DEF8: variants seen among roughly 807,000 people sequenced by gnomAD.
DEF8 encodes differentially expressed in FDCP 8 homolog.
In DEF8, 38 loss-of-function variants were observed where a neutral mutation model predicts 59.1. The ratio of observed to expected loss-of-function variants is 0.64; its 90% CI spans 0.50 to 0.84. The LOEUF is 0.84. Among genes scored for constraint, DEF8 ranks in the 40% least tolerant of loss-of-function variants. The pLI is 0.00. For missense variants in DEF8, 557 were observed against 615.2 expected (o/e 0.91, Z 1.00); for synonymous variants, 265 against 250.1 (o/e 1.06, Z -0.56).
rs114002471 is a variant in DEF8 at position 89,955,355 on chromosome 16, G to T, written c.222+89G>T. 1.4e-3 allele frequency: 1,534 copies of T among 1,112,498 alleles called. 15 individuals carry two copies. The African/African-American group carries it at 0.022, about 16-fold the overall frequency. The allele number at this position is 1,112,498 out of a possible 1,614,324, so 68.9% of individuals were successfully genotyped here. A position where few individuals can be genotyped will look rare whatever the true frequency, so the allele number is the denominator to read the frequency against. ...GTTTCCTTGTCACTCCCTCCCAGGT[G>T]GCAGGGCAGTGTCCTGTGAGCTGGG... On this transcript the variant is annotated intron_variant, in intron 4 of 12. Coordinates refer to ENST00000563594, the MANE Select transcript of DEF8 (RefSeq NM_001242818.2).
At position 89,951,898 on chromosome 16, in the gene DEF8, T is replaced by G. The variant is rs1216342535; in HGVS notation, c.-10-2345T>G. Among the ~76,000 whole-genome samples the G allele has an allele frequency of 2.0e-5, 3 of 151,286 alleles. No homozygotes were observed. In the East Asian group the frequency reaches 5.8e-4, roughly 29 times the overall value. ...TAAAAAAGATTTTTTTTTTTTTTGA[T>G]ATGGAGTCTCGCTCTGTTGCCCAGG... On this transcript the variant is annotated intron_variant, in intron 2 of 12. Transcript: ENST00000563594.
chr16:89,957,683 G>C (rs544074238), intron 5 of DEF8, 23 bp downstream of exon 5: 19 of 1,530,298 alleles, frequency 1.2e-5, no homozygotes, highest in Non-Finnish European at 1.6e-5. Flanking sequence ...CCGCCCCGCC[G>C]TGGGGCAGCC....
intron 2 of DEF8, among the ~76,000 whole-genome samples, chr16:89,952,913 C>T (rs1231021518): frequency 1.3e-5 from 2 of 152,222 alleles, no homozygotes; most frequent in African/African-American, 2.4e-5. Flanking sequence ...TTGGGGTGGC[C>T]TCCTTATCCC....
At chr16:89,951,547 T>C (rs1224230278) in intron 2 of DEF8, among the ~76,000 whole-genome samples, 1 of 152,142 alleles carries the variant, frequency 6.6e-6, no homozygotes, top group Admixed American at 6.6e-5. Flanking sequence ...GCTGGGTCTT[T>C]CAGTCAGAAT....
Position 89,955,271 on chromosome 16 carries a change from G to C in DEF8, c.222+5G>C. ...GACCACTTCTCCCGCCCTGTGGTAA[G>C]GTTTTAGATCTCGGAGGGGAGAGGG... is the stretch of plus-strand genomic sequence containing the variant. On this transcript the variant is annotated splice_donor_5th_base_variant and intron_variant, in intron 4 of 12. Coordinates refer to ENST00000563594, the MANE Select transcript of DEF8 (RefSeq NM_001242818.2). 1 of 1,613,094 alleles carries C rather than the reference G, an allele frequency of 6.2e-7. No individual in the cohort carries two copies.
chr16:89,949,963 C>G (rs1358810564), intron 2 of DEF8: 3 of 932,308 alleles, frequency 3.2e-6, no homozygotes, highest in Non-Finnish European at 4.0e-6. Context: ...GCTAAGGCTG[C>G]GAGGCCAGCG....
intron 4 of DEF8, 70 bp from the exon 5 acceptor site, chr16:89,957,441 G>A (rs570012864): frequency 1.0e-5 from 15 of 1,493,210 alleles, no homozygotes; most frequent in Admixed American, 2.2e-5. Context: ...GGCCTGTCTC[G>A]GCGGATGGGC....
chr16:89,964,457 T>TC lies in DEF8; in HGVS notation c.1144-3dup, dbSNP rs1484754663. 6.3e-7 allele frequency: 1 copy of TC among 1,580,826 alleles called. No individual in the cohort carries two copies. Among genetic ancestry groups the TC allele is most frequent in the Admixed American group, 1.8e-5 (1 of 54,964 alleles). ...TGCCCGTGCCCCAACCCCACACTGT[T>TC]CCCCCCAGCGGTGCCAGGCCAAGGG... is the stretch of plus-strand genomic sequence containing the variant. On this transcript the variant is annotated splice_polypyrimidine_tract_variant and intron_variant, in intron 11 of 12. Coordinates refer to ENST00000563594, the MANE Select transcript of DEF8 (RefSeq NM_001242818.2).
intron 9 of DEF8, 23 bp downstream of exon 9, chr16:89,962,148 G>C (rs758162611): frequency 8.1e-6 from 13 of 1,597,388 alleles, no homozygotes; most frequent in African/African-American, 2.7e-5. Flanking sequence ...CCATGGAAGT[G>C]GGGGGCGGGG....
intron 9 of DEF8, among the ~76,000 whole-genome samples, chr16:89,962,549 G>A (rs1233170778): frequency 2.0e-5 from 3 of 152,030 alleles, no homozygotes; most frequent in Admixed American, 1.3e-4. Flanking sequence ...CCAGCTACTC[G>A]GGAGGCTGAG....
chr16:89,949,758 G>C (rs2151115431), intron 2 of DEF8: 1 of 985,510 alleles, frequency 1.0e-6, no homozygotes, highest in Admixed American at 2.8e-5. Context: ...GATGAGAGCA[G>C]TGGGCTCTAG....
chr16:89,965,997 C>T lies in DEF8; in HGVS notation c.*34C>T. ...AACAGTGCTGGGCACCCCGCCTGGC[C>T]CGCCAGGACCCACCCTGCCAACATC... On this transcript the variant is annotated 3_prime_UTR_variant, in exon 13 of 13. Transcript: ENST00000563594. 4 of 1,512,952 alleles carry T rather than the reference C, an allele frequency of 2.6e-6. No individual in the cohort carries two copies. The highest frequency in any genetic ancestry group is 3.7e-6 in the Non-Finnish European group (4 of 1,094,684). The allele number at this position is 1,512,952 out of a possible 1,614,324, so 93.7% of individuals were successfully genotyped here.
chr16:89,964,365 G>T lies in DEF8; in HGVS notation c.1143+55G>T, dbSNP rs577067418. On this transcript the variant is annotated intron_variant, in intron 11 of 12. Coordinates refer to ENST00000563594, the MANE Select transcript of DEF8 (RefSeq NM_001242818.2). ...CCAACCCCAGCCCTGAGGGGGGATT[G>T]GCAGGAGAAGCAGCCCAGCCCAGTG... 22 of 1,543,308 alleles carry T rather than the reference G, an allele frequency of 1.4e-5. No homozygotes were observed. The East Asian group carries it at 4.6e-4, about 32-fold the overall frequency.
rs114131842 is a variant in DEF8, at chr16:89,954,811, G to A, written c.125-358G>A. ...CGGCCTGGAGTCGACACTGGGGTTC[G>A]TGGATTTTGCTGTGTAGCCATGCAG... On this transcript the variant is annotated intron_variant, in intron 3 of 12. Transcript: ENST00000563594. This position sits in a 1 kb window ranked among gnomAD's most constrained non-coding sequence, Gnocchi z 4.3. Among the ~76,000 whole-genome samples, 3 of 152,286 alleles carry A rather than the reference G, an allele frequency of 2.0e-5. No homozygotes were observed. The highest frequency in any genetic ancestry group is 4.8e-5 in the African/African-American group (2 of 41,570).
chr16:89,961,910 G>A, intron 8 of DEF8, 46 bp downstream of exon 8: 1 of 1,597,816 alleles, frequency 6.3e-7, no homozygotes, highest in Non-Finnish European at 8.6e-7. Context: ...GGGAGAGCAG[G>A]AAGGGGGTTG....
At chr16:89,964,932 A>G (rs1385469648) in intron 12 of DEF8, among the ~76,000 whole-genome samples, 4 of 152,200 alleles carry the variant, frequency 2.6e-5, no homozygotes, top group South Asian at 2.1e-4. Context: ...CAGGGTTAGT[A>G]TAGGCTAGAG....
chr16:89,957,200 A>C (rs867826647), intron 4 of DEF8: 1 of 221,748 alleles, frequency 4.5e-6, no homozygotes, highest in East Asian at 1.1e-4. Context: ...AAGGAAGTGA[A>C]GTGACATAAC....
chr16:89,959,047 C>A lies in DEF8; in HGVS notation c.406C>A (p.Leu136Ile). ...PNEDEPNIRV[L>I]LEHRFYKEKS... ...TGAGGATGAGCCAAACATCCGAGTGCTCCTTGAGCACCGCTTTTACAAGGA... is the reference window on the plus strand; with the variant it reads ...TGAGGATGAGCCAAACATCCGAGTGATCCTTGAGCACCGCTTTTACAAGGA... The change falls in exon 6 of 13, where the codon CTC (leucine) becomes ATC (isoleucine). Residue 136 changes from leucine (L) to isoleucine (I), a missense_variant. By Grantham distance (5) the Leu-to-Ile change is conservative. Transcript: ENST00000563594. The A allele has an allele frequency of 6.2e-7, 1 of 1,613,360 alleles. No individual in the cohort carries two copies. Among genetic ancestry groups the A allele is most frequent in the Non-Finnish European group, 8.5e-7 (1 of 1,180,030 alleles).
At chr16:89,964,407 G>A in intron 11 of DEF8, 59 bp from the exon 12 acceptor site, 1 of 1,553,166 alleles carries the variant, frequency 6.4e-7, no homozygotes, top group Admixed American at 1.9e-5. Flanking sequence ...TGGCCTCAGA[G>A]TGCCCAGAGG....
Sources: gnomAD v4.1 joint callset for allele counts (sites outside exome capture counted in the v4.1 genomes callset) on GRCh38, gnomAD v4.1.1 for gene constraint, Gnocchi (gnomAD v3.1) non-coding constraint, MANE v1.5 for transcripts, NCBI Gene and HGNC (gene_info 2026-07-23, HGNC 2026-07-21) for gene names.